Variants in CA10 observed in about 807,000 individuals in gnomAD.
CA10 encodes the protein carbonic anhydrase-related protein 10.
Under a neutral mutation model 44.2 loss-of-function variants are expected in CA10, and 14 were observed. That is an observed-to-expected ratio of 0.32 (90% CI 0.21 to 0.50). The LOEUF is 0.50. Ranked by LOEUF, CA10 falls within the 20% of genes least tolerant of loss-of-function variation. CA10 has a pLI of 0.99. For missense variants in CA10, 350 were observed against 409.7 expected (o/e 0.85, Z 1.26); for synonymous variants, 159 against 141.6 (o/e 1.12, Z -0.87).
At chr17:51,864,050 C>T (rs1979433292) in intron 3 of CA10, among the ~76,000 whole-genome samples, 1 of 152,156 alleles carries the variant, frequency 6.6e-6, no homozygotes, top group African/African-American at 2.4e-5. Flanking sequence ...CACAGTTGGT[C>T]TTTCTAATGC....
intron 2 of CA10, among the ~76,000 whole-genome samples, chr17:51,939,772 G>A (rs1983007662): frequency 1.3e-5 from 2 of 151,956 alleles, no homozygotes; most frequent in Admixed American, 1.3e-4. Context: ...TTCAACTTCA[G>A]CTGTCATGTG....
chr17:51,843,038 A>T (rs1048288007), intron 3 of CA10, among the ~76,000 whole-genome samples: 5 of 152,220 alleles, frequency 3.3e-5, no homozygotes, highest in African/African-American at 2.4e-5. Context: ...TGAAGTTGGG[A>T]TTGATGGAGA....
intron 3 of CA10, among the ~76,000 whole-genome samples, chr17:51,818,691 C>T (rs557927513): frequency 1.3e-5 from 2 of 152,270 alleles, no homozygotes; most frequent in African/African-American, 4.8e-5. Context: ...GGTAGATGTG[C>T]AACATTAAAT....
chr17:51,949,373 T>A (rs1459267946), intron 2 of CA10, among the ~76,000 whole-genome samples: 2 of 152,210 alleles, frequency 1.3e-5, no homozygotes, highest in African/African-American at 4.8e-5. Flanking sequence ...AATTGTGGTC[T>A]CATTTACACT....
intron 4 of CA10, among the ~76,000 whole-genome samples, chr17:51,673,286 G>A (rs1914493977): frequency 6.6e-6 from 1 of 152,198 alleles, no homozygotes; most frequent in Admixed American, 6.5e-5. Context: ...AATTCATGCA[G>A]ATACCTCAGC....
intron 2 of CA10, among the ~76,000 whole-genome samples, chr17:52,044,956 A>C (rs898120580): frequency 1.3e-5 from 2 of 151,836 alleles, no homozygotes; most frequent in Non-Finnish European, 2.9e-5. Flanking sequence ...AAGACCTATA[A>C]ATCCAAGAAG....
At chr17:51,909,106 C>T (rs1407542018) in intron 3 of CA10, among the ~76,000 whole-genome samples, 1 of 152,152 alleles carries the variant, frequency 6.6e-6, no homozygotes, top group East Asian at 1.9e-4. Context: ...AGCAGCCGTG[C>T]TATCTTTCCA....
upstream of CA10, chr17:52,160,005 G>A (rs1445308010): frequency 6.6e-6 from 1 of 152,164 alleles, no homozygotes; most frequent in Non-Finnish European, 1.5e-5. Context: ...CGCTTGTCCC[G>A]ATTGGGAACT....
chr17:51,942,331 C>A (rs977285651), intron 2 of CA10, among the ~76,000 whole-genome samples: 1 of 151,976 alleles, frequency 6.6e-6, no homozygotes, highest in African/African-American at 2.4e-5. Context: ...TGGAACGAAA[C>A]CACATATATA....
intron 2 of CA10, among the ~76,000 whole-genome samples, chr17:52,055,175 T>C (rs1987190729): frequency 6.6e-6 from 1 of 152,062 alleles, no homozygotes; most frequent in Non-Finnish European, 1.5e-5. Flanking sequence ...TCTGAGACTC[T>C]TTGCAAGCTG....
At chr17:51,749,585 GTC>G (rs906492751) in intron 3 of CA10, among the ~76,000 whole-genome samples, 2 of 152,198 alleles carry the variant, frequency 1.3e-5, no homozygotes, top group Non-Finnish European at 2.9e-5. Context: ...GATTATTTAA[GTC>G]TCTAAATTTT....
intron 2 of CA10, among the ~76,000 whole-genome samples, chr17:51,970,020 A>C (rs1301872893): frequency 6.6e-6 from 1 of 152,054 alleles, no homozygotes; most frequent in Non-Finnish European, 1.5e-5. Flanking sequence ...ATAAGCTCAA[A>C]GAATAGCTAG....
intron 4 of CA10, among the ~76,000 whole-genome samples, chr17:51,720,808 T>C (rs1916327255): frequency 6.6e-6 from 1 of 152,092 alleles, no homozygotes; most frequent in African/African-American, 2.4e-5. Flanking sequence ...ACTGAAGGAA[T>C]AGGTTTTAGT....
chr17:51,689,733 T>C (rs1915123999), intron 4 of CA10, among the ~76,000 whole-genome samples: 1 of 152,188 alleles, frequency 6.6e-6, no homozygotes, highest in South Asian at 2.1e-4. Flanking sequence ...AACATGCCTT[T>C]TCTTTCTCTT....
intron 1 of CA10, among the ~76,000 whole-genome samples, chr17:52,092,248 G>A (rs1247030423): frequency 2.6e-5 from 4 of 152,104 alleles, no homozygotes; most frequent in Non-Finnish European, 5.9e-5. Context: ...TCTTAAAAGG[G>A]AAGGGGACTA....
chr17:51,829,669 T>G (rs971085530), intron 3 of CA10, among the ~76,000 whole-genome samples: 1 of 152,112 alleles, frequency 6.6e-6, no homozygotes, highest in African/African-American at 2.4e-5. Flanking sequence ...TAGCAGCATT[T>G]TAATTCTCAT....
intron 4 of CA10, among the ~76,000 whole-genome samples, chr17:51,698,455 A>G (rs1311273611): frequency 1.3e-5 from 2 of 152,230 alleles, no homozygotes; most frequent in Non-Finnish European, 2.9e-5. Context: ...AGGCAATTGT[A>G]TATATTTAAG....
intron 5 of CA10, among the ~76,000 whole-genome samples, chr17:51,651,026 C>T (rs865809945): frequency 6.6e-6 from 1 of 152,098 alleles, no homozygotes; most frequent in Admixed American, 6.5e-5. Context: ...TTGTGGAGGA[C>T]AGAGATAAAT....
At chr17:52,136,728 C>T (rs571349418) in intron 1 of CA10, among the ~76,000 whole-genome samples, 8 of 152,140 alleles carry the variant, frequency 5.3e-5, no homozygotes, top group South Asian at 2.1e-4. Context: ...GGCTACAACA[C>T]GTATTAACAT....
Sources: allele counts gnomAD v4.1 joint callset (sites outside exome capture counted in the v4.1 genomes callset), GRCh38; gene constraint gnomAD v4.1.1; transcripts MANE v1.5; gene names NCBI Gene and HGNC (gene_info 2026-07-23, HGNC 2026-07-21).